The following CREBBP variants were observed in gnomAD, a reference collection of about 807,000 sequenced individuals.
CREBBP encodes CREB-binding protein.
A neutral mutation model predicts 265.0 loss-of-function variants in CREBBP; 19 were observed. That is an observed-to-expected ratio of 0.07 (90% CI 0.05 to 0.11). CREBBP has a LOEUF of 0.11. Among genes scored for constraint, CREBBP ranks in the 10% least tolerant of loss-of-function variants. CREBBP has a pLI of 1.00. For synonymous variants in CREBBP, 1,457 were observed against 1,223.7 expected, an observed-to-expected ratio of 1.19 and a Z score of -3.98; for missense variants, 2,525 against 3,219.0, an observed-to-expected ratio of 0.78 and a Z score of 5.22.
At chr16:3,741,391 TCG>T (rs997323544) in intron 23 of CREBBP, 13 of 152,270 alleles carry the variant, frequency 8.5e-5, no homozygotes, top group African/African-American at 3.1e-4. Context: ...TTGGGAATTT[TCG>T]AAGATTCCTT....
At position 3,770,666 on chromosome 16, in the gene CREBBP, C is replaced by T. The variant is rs3025694; in HGVS notation, c.2784G>A (p.Pro928=). 25,668 of 1,613,890 alleles carry T rather than the reference C, an allele frequency of 0.016. 1,513 individuals carry two copies. In the East Asian group the frequency reaches 0.17, roughly 11 times the overall value. ...GGGGCTGAACTGGGGTTTGAGGCTG[C>T]GGGGTCACCTGGGCCTGGGCTGCTG... ...VQAAAQAQVT[P]QPQTPVQPPS... is the part of the protein sequence containing the mutation. The change falls in exon 14 of 31, where the codon CCG becomes CCA. Residue 928 remains proline, a synonymous_variant. Transcript: ENST00000262367.
chr16:3,806,412 G>C (rs1332157743), intron 3 of CREBBP, among the ~76,000 whole-genome samples: 1 of 151,238 alleles, frequency 6.6e-6, no homozygotes, highest in Non-Finnish European at 1.5e-5. Flanking sequence ...TGAATCTCCT[G>C]CATCTCAACT....
At chr16:3,869,028 T>C (rs1366589091) in intron 1 of CREBBP, among the ~76,000 whole-genome samples, 1 of 152,088 alleles carries the variant, frequency 6.6e-6, no homozygotes, top group Non-Finnish European at 1.5e-5. Context: ...CCAGTGAACA[T>C]AACCCAAAAA....
intron 28 of CREBBP, among the ~76,000 whole-genome samples, chr16:3,733,030 G>C (rs958165178): frequency 1.3e-5 from 2 of 152,114 alleles, no homozygotes; most frequent in East Asian, 3.9e-4. Flanking sequence ...AGATGAGAGA[G>C]ACTCTTGGTG....
Position 3,862,923 on chromosome 16 carries a change from A to G in CREBBP, c.86-11914T>C, listed in dbSNP as rs142294770. The stretch of plus-strand genomic sequence containing the variant: ...ACAGGACAAATATTCTTCATGTCAC[A>G]GAAGGGTCCATCCAGGGGGACTCTT... On this transcript the variant is annotated intron_variant, in intron 1 of 30. Coordinates refer to ENST00000262367, the MANE Select transcript of CREBBP (RefSeq NM_004380.3). 4.9e-4 allele frequency among the ~76,000 whole-genome samples: 75 copies of G among 152,332 alleles called. 1 individual carries two copies. The East Asian group carries it at 0.014, about 29-fold the overall frequency.
chr16:3,745,373 G>A lies in CREBBP; in HGVS notation c.3837-19C>T, dbSNP rs1327492843. 6.2e-7 allele frequency: 1 copy of A among 1,612,466 alleles called. No homozygotes were observed. Among genetic ancestry groups the A allele is most frequent in the Non-Finnish European group, 8.5e-7 (1 of 1,178,908 alleles). On this transcript the variant is annotated intron_variant, in intron 21 of 30. Transcript: ENST00000262367. ...AACGAAACTAGGAGGCAAAGAAGGC[G>A]CACTGTTAAAGCACACGGAACCACA...
At chr16:3,759,453 C>G (rs73493532) in intron 16 of CREBBP, among the ~76,000 whole-genome samples, 304 of 151,896 alleles carry the variant, frequency 2.0e-3, no homozygotes, top group African/African-American at 7.0e-3. Context: ...TGGTGTGTGT[C>G]GGGGGTTCCT....
At position 3,850,829 on chromosome 16, in the gene CREBBP, A is replaced by T. The variant is rs1257025481; in HGVS notation, c.266T>A (p.Val89Glu). The T allele has an allele frequency of 1.2e-6, 2 of 1,614,008 alleles. No homozygotes were observed. Among genetic ancestry groups the T allele is most frequent in the African/African-American group, 2.7e-5 (2 of 74,916 alleles). The change falls in exon 2 of 31, where the codon GTG becomes GAG. Residue 89 changes from valine to glutamate, a missense_variant. Transcript: ENST00000262367. ...CTGCTGCACGGGGCTGCTGGCGCTC[A>T]CATTTCCTATTCCTGGGTTGATACT... Reference protein sequence around the residue: ...GSSINPGIGNVSASSPVQQGL... With the variant: ...GSSINPGIGNESASSPVQQGL...
At chr16:3,857,647 G>C (rs1296517493) in intron 1 of CREBBP, among the ~76,000 whole-genome samples, 1 of 152,184 alleles carries the variant, frequency 6.6e-6, no homozygotes, top group Non-Finnish European at 1.5e-5. Flanking sequence ...TCTTCTCTCT[G>C]ACCGTTACCA....
At position 3,810,634 on chromosome 16, in the gene CREBBP, T is replaced by C. The variant is rs759578786; in HGVS notation, c.944A>G (p.Lys315Arg). 4 of 1,613,908 alleles carry C rather than the reference T, an allele frequency of 2.5e-6. No homozygotes were observed. Among genetic ancestry groups the C allele is most frequent in the Admixed American group, 1.7e-5 (1 of 60,008 alleles). Reference protein sequence around the residue: ...NSLPTFPTDIKNTSVTNVPNM... With the variant: ...NSLPTFPTDIRNTSVTNVPNM... ...TGGCACGTTGGTGACTGAAGTATTCTTGATATCTGTAGGGAAGGTGGGCAA... is the reference window on the plus strand; with the variant it reads ...TGGCACGTTGGTGACTGAAGTATTCCTGATATCTGTAGGGAAGGTGGGCAA... Residue 315 changes from lysine (K) to arginine (R), a missense_variant, in exon 3 of 31, where the codon AAG becomes AGG. Physicochemically the swap from Lys to Arg is conservative, Grantham distance 26. Around this residue, in one of 19 missense-constraint regions of CREBBP, gnomAD observed 126 missense variants for 171.9 expected, o/e 0.73. Coordinates refer to ENST00000262367, the MANE Select transcript of CREBBP (RefSeq NM_004380.3).
At position 3,728,889 on chromosome 16, in the gene CREBBP, A is replaced by G; in HGVS notation, c.6158T>C (p.Met2053Thr). ...QAQAAVAGPR[M>T]PSVQPPRSIS... ...GCTCCTGGGTGGCTGCACGCTGGGCATCCGGGGCCCAGCCACGGCCGCCTG... is the reference window on the plus strand; with the variant it reads ...GCTCCTGGGTGGCTGCACGCTGGGCGTCCGGGGCCCAGCCACGGCCGCCTG... The change falls in exon 31 of 31, where the codon ATG becomes ACG. Residue 2053 changes from methionine to threonine, a missense_variant. Physicochemically the swap from Met to Thr is moderately conservative, Grantham distance 81. Coordinates refer to ENST00000262367, the MANE Select transcript of CREBBP (RefSeq NM_004380.3). The surrounding 1 kb of genome is among the most constrained non-coding windows in gnomAD (Gnocchi z 8.7). The G allele has an allele frequency of 6.2e-7, 1 of 1,610,548 alleles. No homozygotes were observed. Among genetic ancestry groups the G allele is most frequent in the Non-Finnish European group, 8.5e-7 (1 of 1,179,616 alleles).
chr16:3,774,835 T>A (rs1430376734), intron 11 of CREBBP, 142 bp from the exon 12 acceptor site: 1 of 1,083,550 alleles, frequency 9.2e-7, no homozygotes, highest in East Asian at 2.6e-5. Flanking sequence ...AATTAATCAA[T>A]GAAGATGATG....
intron 2 of CREBBP, among the ~76,000 whole-genome samples, chr16:3,844,669 T>G (rs1198865636): frequency 6.6e-6 from 1 of 152,086 alleles, no homozygotes; most frequent in Non-Finnish European, 1.5e-5. Flanking sequence ...AAAGTATCAA[T>G]AATGCAAAAG....
intron 23 of CREBBP, chr16:3,742,450 A>T (rs1314368325): frequency 6.6e-6 from 1 of 152,182 alleles, no homozygotes; most frequent in Non-Finnish European, 1.5e-5. Context: ...GAACACTTTA[A>T]ATTGTGCCCC....
intron 15 of CREBBP, among the ~76,000 whole-genome samples, chr16:3,768,366 C>T (rs752095527): frequency 3.3e-5 from 5 of 151,806 alleles, no homozygotes; most frequent in East Asian, 1.9e-4. Context: ...AGGCTGGTCT[C>T]GAACTCCTGA....
At chr16:3,789,966 G>A (rs2053468915) in intron 5 of CREBBP, among the ~76,000 whole-genome samples, 1 of 151,210 alleles carries the variant, frequency 6.6e-6, no homozygotes, top group South Asian at 2.1e-4. Flanking sequence ...AATCACCAAA[G>A]TTTACAACTG....
intron 5 of CREBBP, among the ~76,000 whole-genome samples, chr16:3,791,578 A>C (rs1336203511): frequency 6.6e-6 from 1 of 152,224 alleles, no homozygotes; most frequent in Non-Finnish European, 1.5e-5. Flanking sequence ...TTCCAAAAGA[A>C]GTATCCCCTC....
At chr16:3,769,042 C>T (rs982473580) in intron 15 of CREBBP, 132 bp downstream of exon 15, 30 of 1,052,978 alleles carry the variant, frequency 2.8e-5, no homozygotes, top group Admixed American at 7.8e-5. Context: ...TACACCAAAC[C>T]CCGAACCCAC....
At chr16:3,757,770 C>G in intron 18 of CREBBP, 39 bp downstream of exon 18, 1 of 1,611,414 alleles carries the variant, frequency 6.2e-7, no homozygotes, top group African/African-American at 1.3e-5. Flanking sequence ...GCTGGATTAA[C>G]CAGGAAAATT....
Sources: gnomAD v4.1 joint callset for allele counts (sites outside exome capture counted in the v4.1 genomes callset) on GRCh38, gnomAD v4.1.1 for gene constraint, gnomAD v4.1.1 regional missense constraint, Gnocchi (gnomAD v3.1) non-coding constraint, MANE v1.5 for transcripts, NCBI Gene and HGNC (gene_info 2026-07-23, HGNC 2026-07-21) for gene names.